TMEM230: variants seen among roughly 807,000 people sequenced by gnomAD.
The protein encoded by TMEM230 is UPF0414 transmembrane protein C20orf30.
In TMEM230, 10 loss-of-function variants were observed where a neutral mutation model predicts 15.8. The observed-to-expected ratio is 0.63, with a 90% CI of 0.39 to 1.07. The LOEUF (loss-of-function observed/expected upper bound fraction) is 1.07, where lower values mean the gene tolerates loss of function less well. Among genes scored for constraint, TMEM230 ranks in the 50% least tolerant of loss-of-function variants. The pLI, the probability that TMEM230 is intolerant of heterozygous loss-of-function variation, is 0.01. For missense variants in TMEM230, 165 were observed against 193.3 expected (o/e 0.85, Z 0.87); for synonymous variants, 67 against 76.9 (o/e 0.87, Z 0.68).
At chr20:5,103,888 T>C (rs1196944377) in intron 4 of TMEM230, among the ~76,000 whole-genome samples, 1 of 152,116 alleles carries the variant, frequency 6.6e-6, no homozygotes, top group African/African-American at 2.4e-5. Flanking sequence ...GGCAAAGATT[T>C]CTTGAGTAAT....
chr20:5,106,264 G>C lies in TMEM230; in HGVS notation c.335C>G (p.Ala112Gly). The C allele has an allele frequency of 6.2e-7, 1 of 1,614,090 alleles. No homozygotes were observed. The highest frequency in any genetic ancestry group is 8.5e-7 in the Non-Finnish European group (1 of 1,179,992). The change falls in exon 4 of 5, where the codon GCC becomes GGC. Residue 112 changes from alanine to glycine, a missense_variant. Physicochemically the swap from Ala to Gly is moderately conservative, Grantham distance 60. Transcript: ENST00000342308. ...GGCGCCAATCAAAAACAGCACAGTG[G>C]CAAGTGCGATGGCCTTATAAGGGAT...
At chr20:5,088,735 A>C (rs1199234194) in intron 3 of TMEM230, among the ~76,000 whole-genome samples, 4 of 151,966 alleles carry the variant, frequency 2.6e-5, no homozygotes, top group Non-Finnish European at 1.5e-5. Context: ...GCTGGTTTCA[A>C]ACTCCTGAGC....
intron 2 of TMEM230, chr20:5,110,959 G>A (rs1408682150): frequency 1.3e-5 from 2 of 152,004 alleles, no homozygotes; most frequent in African/African-American, 2.4e-5. Context: ...AGGTGGGTGG[G>A]TTACCTGAGG....
rs546217300 is a variant in TMEM230, at chr20:5,072,216, G to A, written c.223-2867C>T. 3.6e-3 allele frequency among the ~76,000 whole-genome samples: 555 copies of A among 152,098 alleles called. 2 individuals are homozygous for A. Among genetic ancestry groups the A allele is most frequent in the African/African-American group, 0.013 (524 of 41,490 alleles). On this transcript the variant is annotated intron_variant, in intron 3 of 3. Transcript: ENST00000612323. ...TAGGCATGCACCACCATGCCTGGCT[G>A]ATTTTTGTATTTTTTTGTAGAAATG...
At chr20:5,109,563 T>A in intron 2 of TMEM230, 118 bp from the exon 2 acceptor site, 1 of 759,474 alleles carries the variant, frequency 1.3e-6, no homozygotes, top group East Asian at 2.7e-5. Context: ...CATGTCAGAC[T>A]AGCAATGGGC....
chr20:5,059,935 C>T, the TMEM230 span, among the ~76,000 whole-genome samples: 1 of 151,514 alleles, frequency 6.6e-6, no homozygotes, highest in Non-Finnish European at 1.5e-5. Flanking sequence ...CCATGCCTGG[C>T]TAATTTTTGT....
intron 3 of TMEM230, among the ~76,000 whole-genome samples, chr20:5,081,310 G>GAT (rs1317572358): frequency 6.6e-6 from 1 of 152,212 alleles, no homozygotes; most frequent in African/African-American, 2.4e-5. Flanking sequence ...GAGAACAAGA[G>GAT]ATATCCTTGA....
intron 3 of TMEM230, among the ~76,000 whole-genome samples, chr20:5,108,113 A>AAAAAC (rs370253577): frequency 3.4e-4 from 51 of 150,944 alleles, no homozygotes; most frequent in South Asian, 1.1e-3. Flanking sequence ...ACTACATCTT[A>AAAAAC]AAAACAAAAC....
At chr20:5,076,677 T>C (rs1309676325) in intron 3 of TMEM230, among the ~76,000 whole-genome samples, 2 of 124,056 alleles carry the variant, frequency 1.6e-5, no homozygotes, top group East Asian at 2.1e-4. Flanking sequence ...ATTGATATTC[T>C]TTTTTTTTTT....
At chr20:5,071,555 G>A (rs751364621) in intron 3 of TMEM230, among the ~76,000 whole-genome samples, 5 of 151,408 alleles carry the variant, frequency 3.3e-5, no homozygotes, top group African/African-American at 4.9e-5. Flanking sequence ...CCCGGACGGC[G>A]GAGGTTGCAG....
downstream of TMEM230, among the ~76,000 whole-genome samples, chr20:5,095,902 A>G (rs1422567653): frequency 6.6e-6 from 1 of 152,250 alleles, no homozygotes. Flanking sequence ...AACAAGCTCC[A>G]TGAGAGGCGA....
At chr20:5,072,056 T>C (rs1022359552) in intron 3 of TMEM230, among the ~76,000 whole-genome samples, 1 of 151,102 alleles carries the variant, frequency 6.6e-6, no homozygotes, top group Non-Finnish European at 1.5e-5. Context: ...CAGCCTTTTT[T>C]GAGTTTTTGT....
Position 5,100,162 on chromosome 20 carries a change from G to C in TMEM230, c.*629C>G, listed in dbSNP as rs2089797934. The C allele has an allele frequency of 1.0e-6, 1 of 985,320 alleles. No individual in the cohort carries two copies. 61.0% of individuals were successfully genotyped at this position (985,320 alleles called of 1,614,324 possible). On this transcript the variant is annotated 3_prime_UTR_variant, in exon 5 of 5. Transcript: ENST00000342308. ...GACAAAATGATGCAAATTATATGCTGTCCAACCTACTGGTGAACTGGATCA... is the reference window on the plus strand; with the variant it reads ...GACAAAATGATGCAAATTATATGCTCTCCAACCTACTGGTGAACTGGATCA...
chr20:5,082,063 T>C (rs1311120845), intron 3 of TMEM230, among the ~76,000 whole-genome samples: 3 of 150,100 alleles, frequency 2.0e-5, no homozygotes, highest in Admixed American at 6.6e-5. Context: ...TTTTTTTCTT[T>C]TTTAGCAGAG....
downstream of TMEM230, among the ~76,000 whole-genome samples, chr20:5,065,884 C>T (rs564530152): frequency 1.6e-3 from 250 of 152,208 alleles, no homozygotes; most frequent in African/African-American, 5.7e-3. Flanking sequence ...AATACCATGA[C>T]GAGGAGTGGG....
chr20:5,087,027 C>A (rs116010355), intron 3 of TMEM230, among the ~76,000 whole-genome samples: 1 of 152,156 alleles, frequency 6.6e-6, no homozygotes, highest in Non-Finnish European at 1.5e-5. Context: ...GCATGCACCA[C>A]CATGCTCAGC....
At chr20:5,105,258 C>T (rs58827787) in intron 4 of TMEM230, among the ~76,000 whole-genome samples, 33 of 152,234 alleles carry the variant, frequency 2.2e-4, no homozygotes, top group African/African-American at 7.5e-4. Flanking sequence ...TGCACTCCAG[C>T]CTGGGTGACA....
In TMEM230 at chr20:5,086,355, T is replaced by A. The variant is rs2089336253; in HGVS notation, c.223-17006A>T. 1.3e-5 allele frequency among the ~76,000 whole-genome samples: 2 copies of A among 151,188 alleles called. 1 individual carries two copies. The highest frequency in any genetic ancestry group is 4.2e-4 in the South Asian group (2 of 4,808). ...GAGTTCAAAACCAGCCTGGCCAACA[T>A]GGTGAAGCCCCATCTCTACTAAAAA... is the stretch of plus-strand genomic sequence containing the variant. On this transcript the variant is annotated intron_variant, in intron 3 of 3. Transcript: ENST00000612323.
At chr20:5,095,952 G>A (rs1373122590), downstream of TMEM230, among the ~76,000 whole-genome samples, 3 of 152,196 alleles carry the variant, frequency 2.0e-5, no homozygotes, top group South Asian at 2.1e-4. Flanking sequence ...TGTCTTCAAG[G>A]ACTTCCCTGC....
Sources: gnomAD v4.1 joint callset for allele counts (sites outside exome capture counted in the v4.1 genomes callset) on GRCh38, gnomAD v4.1.1 for gene constraint, MANE v1.5 for transcripts, NCBI Gene and HGNC (gene_info 2026-07-23, HGNC 2026-07-21) for gene names.